Variants in TACC3 observed in about 807,000 individuals in gnomAD.
The protein encoded by TACC3 is transforming acidic coiled-coil-containing protein 3.
In TACC3, 52 loss-of-function variants were observed where a neutral mutation model predicts 86.0. That is an observed-to-expected ratio of 0.60 (90% CI 0.48 to 0.76). TACC3 has a LOEUF of 0.76. Among genes scored for constraint, TACC3 ranks in the 30% least tolerant of loss-of-function variants. The probability of loss-of-function intolerance (pLI) is 0.00; values close to 1 mark genes in which losing one functional copy is unlikely to be tolerated. For synonymous variants in TACC3, 512 were observed against 430.0 expected, an observed-to-expected ratio of 1.19 and a Z score of -2.36; for missense variants, 1,120 against 1,070.4, an observed-to-expected ratio of 1.05 and a Z score of -0.65.
chr4:1,731,074 T>G (rs1717984109), intron 5 of TACC3, 98 bp from the exon 6 acceptor site: 1 of 1,592,894 alleles, frequency 6.3e-7, no homozygotes, highest in Non-Finnish European at 8.6e-7. Flanking sequence ...TCCCGCTCCC[T>G]CTCCCCCAAG....
At chr4:1,730,858 A>T (rs1372293908) in intron 4 of TACC3, 29 bp from the exon 5 acceptor site, 5 of 1,609,950 alleles carry the variant, frequency 3.1e-6, no homozygotes, top group East Asian at 2.2e-5. Flanking sequence ...GGTGGGGGGC[A>T]TGGGCCTCTG....
intron 6 of TACC3, among the ~76,000 whole-genome samples, chr4:1,732,797 C>T (rs984656039): frequency 6.6e-6 from 1 of 152,200 alleles, no homozygotes; most frequent in African/African-American, 2.4e-5. Context: ...TGTGGGTGCT[C>T]CTGTCCTTGC....
chr4:1,738,506 G>A (rs1718403218), intron 10 of TACC3, among the ~76,000 whole-genome samples: 1 of 152,208 alleles, frequency 6.6e-6, no homozygotes, highest in South Asian at 2.1e-4. Flanking sequence ...GGGCTCCGGG[G>A]GCAGGTGGCC....
chr4:1,743,841 C>A (rs1239903355), intron 13 of TACC3, among the ~76,000 whole-genome samples: 1 of 152,204 alleles, frequency 6.6e-6, no homozygotes, highest in South Asian at 2.1e-4. Flanking sequence ...GAGGCGTGAC[C>A]TCCGCAGGAC....
At chr4:1,743,564 CAG>C (rs1718696997) in intron 13 of TACC3, among the ~76,000 whole-genome samples, 1 of 90,530 alleles carries the variant, frequency 1.1e-5, no homozygotes, top group Admixed American at 1.2e-4. Context: ...AAAAAAAAAA[CAG>C]AAACTAGAAA....
chr4:1,739,849 C>T (rs1718488001), intron 11 of TACC3, 71 bp downstream of exon 11: 5 of 1,561,404 alleles, frequency 3.2e-6, no homozygotes, highest in South Asian at 1.1e-5. Context: ...TCCCCCTCGC[C>T]ATCCTTGTCC....
chr4:1,723,177 C>T (rs997323815), intron 1 of TACC3: 29 of 539,336 alleles, frequency 5.4e-5, no homozygotes, highest in Non-Finnish European at 7.3e-5. Flanking sequence ...CTCTTGGTCC[C>T]AGGAAGCAGC....
intron 13 of TACC3, 98 bp from the exon 14 acceptor site, chr4:1,744,420 C>A: frequency 1.7e-6 from 2 of 1,150,486 alleles, no homozygotes; most frequent in Non-Finnish European, 2.5e-6. Context: ...GGCTGATGCC[C>A]CAGACAGCCT....
At chr4:1,731,396 G>C in intron 6 of TACC3, 95 bp downstream of exon 6, 1 of 1,457,214 alleles carries the variant, frequency 6.9e-7, no homozygotes, top group Non-Finnish European at 9.4e-7. Context: ...TCGGCAGGTG[G>C]TCATTTCGCA....
chr4:1,727,099 C>T (rs1007580304), intron 3 of TACC3, among the ~76,000 whole-genome samples: 1 of 151,900 alleles, frequency 6.6e-6, no homozygotes, highest in African/African-American at 2.4e-5. Flanking sequence ...CCATTACACT[C>T]CAGCCTTGGC....
intron 4 of TACC3, among the ~76,000 whole-genome samples, chr4:1,729,335 A>G (rs1560302657): frequency 6.6e-6 from 1 of 152,114 alleles, no homozygotes; most frequent in Non-Finnish European, 1.5e-5. Context: ...TGTACAAATA[A>G]AGACACAAGA....
intron 6 of TACC3, among the ~76,000 whole-genome samples, chr4:1,731,507 A>G (rs1216441287): frequency 6.6e-6 from 1 of 152,222 alleles, no homozygotes; most frequent in Non-Finnish European, 1.5e-5. Context: ...TTTAACATAA[A>G]AGACTTCTAG....
At chr4:1,739,332 C>T (rs948007931) in intron 10 of TACC3, 2 of 246,288 alleles carry the variant, frequency 8.1e-6, no homozygotes. Flanking sequence ...GAGATCTGAA[C>T]ATACTGACTT....
intron 13 of TACC3, 51 bp from the exon 14 acceptor site, chr4:1,744,467 G>C: frequency 6.5e-7 from 1 of 1,545,266 alleles, no homozygotes; most frequent in Non-Finnish European, 8.9e-7. Flanking sequence ...AAGCCTGGGT[G>C]CTCTCCAGCA....
At position 1,723,731 on chromosome 4, in the gene TACC3, A is replaced by C; in HGVS notation, c.166A>C (p.Thr56Pro). 1 of 1,613,728 alleles carries C rather than the reference A, an allele frequency of 6.2e-7. No individual in the cohort carries two copies. Among genetic ancestry groups the C allele is most frequent in the Non-Finnish European group, 8.5e-7 (1 of 1,180,018 alleles). The change falls in exon 3 of 16, where the codon ACT becomes CCT. Residue 56 changes from threonine to proline, a missense_variant. Coordinates refer to ENST00000313288, the MANE Select transcript of TACC3 (RefSeq NM_006342.3). ...PKNLAKAMKV[T>P]FQTPLRDPQT... is the part of the protein sequence containing the mutation. ...TCTCCTCCTCACTCCGCAACAGGTG[A>C]CTTTTCAGACACCTCTGCGGGATCC...
chr4:1,722,534 G>A (rs1717457474), intron 1 of TACC3, among the ~76,000 whole-genome samples: 1 of 152,098 alleles, frequency 6.6e-6, no homozygotes. Context: ...GGCTTCTCAA[G>A]CTGCAGCACC....
At chr4:1,729,439 C>A (rs1717892289) in intron 4 of TACC3, among the ~76,000 whole-genome samples, 1 of 152,144 alleles carries the variant, frequency 6.6e-6, no homozygotes, top group African/African-American at 2.4e-5. Context: ...TGCGCTGTTA[C>A]TTATTGGATA....
Position 1,743,788 on chromosome 4 carries a change from G to A in TACC3, c.2224-730G>A, listed in dbSNP as rs536407646. 2.6e-5 allele frequency among the ~76,000 whole-genome samples: 4 copies of A among 152,306 alleles called. No individual in the cohort carries two copies. In the South Asian group the frequency reaches 8.3e-4, roughly 32 times the overall value. The stretch of plus-strand genomic sequence containing the variant: ...GCCGCCTCCCGGACAGACGCTGTTG[G>A]GAATTTTCCACAGCAGAGAAACACA... On this transcript the variant is annotated intron_variant, in intron 13 of 15. Coordinates refer to ENST00000313288, the MANE Select transcript of TACC3 (RefSeq NM_006342.3).
Position 1,743,254 on chromosome 4 carries a change from C to CA in TACC3, c.2224-1246dup, listed in dbSNP as rs60854843. 7.2e-3 allele frequency among the ~76,000 whole-genome samples: 754 copies of CA among 104,380 alleles called. 12 individuals carry two copies. The highest frequency in any genetic ancestry group is 0.044 in the South Asian group (132 of 2,980). 68.5% of individuals were successfully genotyped at this position (104,380 alleles called of 152,430 possible). ...CTGGCGATAGAGCGAGACTCCGTCT[C>CA]AAAAAAAAAAAAAAAAAAGCCTGGG... On this transcript the variant is annotated intron_variant, in intron 13 of 15. Coordinates refer to ENST00000313288, the MANE Select transcript of TACC3 (RefSeq NM_006342.3).
Sources: gnomAD v4.1 joint callset for allele counts (sites outside exome capture counted in the v4.1 genomes callset) on GRCh38, gnomAD v4.1.1 for gene constraint, MANE v1.5 for transcripts, NCBI Gene and HGNC (gene_info 2026-07-23, HGNC 2026-07-21) for gene names.